Variants in CNTN1 observed in about 807,000 individuals in gnomAD.
The protein encoded by CNTN1 is contactin 1.
Under a neutral mutation model 126.4 loss-of-function variants are expected in CNTN1, and 38 were observed. The ratio of observed to expected loss-of-function variants is 0.30; its 90% CI spans 0.23 to 0.39. CNTN1 has a LOEUF of 0.39. Among genes scored for constraint, CNTN1 ranks in the 10% least tolerant of loss-of-function variants. The pLI, the probability that CNTN1 is intolerant of heterozygous loss-of-function variation, is 1.00. For missense variants in CNTN1, 1,009 were observed against 1,248.4 expected (o/e 0.81, Z 2.89); for synonymous variants, 413 against 422.6 (o/e 0.98, Z 0.28).
intron 1 of CNTN1, among the ~76,000 whole-genome samples, chr12:40,759,622 T>C (rs1301902995): frequency 2.0e-5 from 3 of 151,764 alleles, no homozygotes; most frequent in Non-Finnish European, 4.4e-5. Context: ...CCCACCATCA[T>C]ACCTGGCTAA....
At chr12:40,795,839 T>C (rs765611630) in intron 1 of CNTN1, among the ~76,000 whole-genome samples, 1 of 152,118 alleles carries the variant, frequency 6.6e-6, no homozygotes, top group Non-Finnish European at 1.5e-5. Flanking sequence ...ATCACTTGTG[T>C]GTGGTAGGCA....
chr12:40,748,444 T>G (rs1008925360), intron 1 of CNTN1, among the ~76,000 whole-genome samples: 24 of 152,092 alleles, frequency 1.6e-4, no homozygotes, highest in Non-Finnish European at 4.4e-5. Flanking sequence ...CCTGGTAAAT[T>G]ATATAACACA....
At chr12:40,843,984 G>T (rs1330894411) in intron 1 of CNTN1, among the ~76,000 whole-genome samples, 10 of 151,522 alleles carry the variant, frequency 6.6e-5, no homozygotes, top group Non-Finnish European at 1.3e-4. Context: ...ATTTGGATGA[G>T]ACTTTTGCAG....
chr12:40,815,292 A>C (rs1941222114), intron 1 of CNTN1, among the ~76,000 whole-genome samples: 1 of 152,000 alleles, frequency 6.6e-6, no homozygotes, highest in African/African-American at 2.4e-5. Context: ...AGGATGGAAT[A>C]TTTTTCCATT....
chr12:40,807,877 A>G (rs1212333211), intron 1 of CNTN1, among the ~76,000 whole-genome samples: 1 of 152,134 alleles, frequency 6.6e-6, no homozygotes, highest in Non-Finnish European at 1.5e-5. Context: ...TTTTAATATT[A>G]TTGTCATCCA....
intron 23 of CNTN1, among the ~76,000 whole-genome samples, chr12:41,033,338 G>A (rs1173153192): frequency 1.3e-5 from 2 of 151,942 alleles, no homozygotes; most frequent in African/African-American, 2.4e-5. Context: ...TATACATATA[G>A]CTATAATTTT....
chr12:40,696,609 C>G (rs1473249404), intron 1 of CNTN1, among the ~76,000 whole-genome samples: 1 of 152,168 alleles, frequency 6.6e-6, no homozygotes, highest in South Asian at 2.1e-4. Flanking sequence ...GAGCAGGAGA[C>G]TCAGGTTCAA....
chr12:40,969,140 C>A (rs577150232), intron 15 of CNTN1, among the ~76,000 whole-genome samples: 1 of 152,182 alleles, frequency 6.6e-6, no homozygotes, highest in Non-Finnish European at 1.5e-5. Flanking sequence ...AGTTTTATTA[C>A]CTATGATTTT....
intron 1 of CNTN1, among the ~76,000 whole-genome samples, chr12:40,853,664 CT>C (rs909860679): frequency 1.3e-5 from 2 of 151,544 alleles, no homozygotes; most frequent in African/African-American, 2.4e-5. Flanking sequence ...ATATACAATC[CT>C]TTTTTTTCCC....
intron 23 of CNTN1, among the ~76,000 whole-genome samples, chr12:41,052,182 A>G (rs931804682): frequency 6.6e-6 from 1 of 152,082 alleles, no homozygotes; most frequent in African/African-American, 2.4e-5. Flanking sequence ...GCCCAACTAG[A>G]CTGTTCCATA....
At chr12:40,822,486 T>A (rs1309573392) in intron 1 of CNTN1, among the ~76,000 whole-genome samples, 1 of 152,142 alleles carries the variant, frequency 6.6e-6, no homozygotes, top group Non-Finnish European at 1.5e-5. Context: ...TTGTGATGTA[T>A]GAGTTCTTCT....
At chr12:40,947,661 C>T (rs1946477955) in intron 14 of CNTN1, among the ~76,000 whole-genome samples, 1 of 151,402 alleles carries the variant, frequency 6.6e-6, no homozygotes, top group Non-Finnish European at 1.5e-5. Flanking sequence ...CACTTTGGGT[C>T]ATTTTCTTTC....
intron 1 of CNTN1, among the ~76,000 whole-genome samples, chr12:40,854,689 T>C (rs1942835152): frequency 6.6e-6 from 1 of 152,306 alleles, no homozygotes; most frequent in East Asian, 1.9e-4. Flanking sequence ...TTATGTGCTA[T>C]GACAACATAA....
intron 23 of CNTN1, among the ~76,000 whole-genome samples, chr12:41,035,728 G>C (rs1949244415): frequency 6.6e-6 from 1 of 152,148 alleles, no homozygotes; most frequent in Admixed American, 6.6e-5. Flanking sequence ...CTAGCCATAT[G>C]ACAAAAGTGT....
chr12:40,800,676 C>T (rs1174443398), intron 1 of CNTN1, among the ~76,000 whole-genome samples: 6 of 151,934 alleles, frequency 3.9e-5, no homozygotes, highest in Non-Finnish European at 8.8e-5. Context: ...AGGCATAAAG[C>T]GTTTTCAATA....
chr12:40,806,005 C>T (rs754947894), intron 1 of CNTN1, among the ~76,000 whole-genome samples: 1 of 152,074 alleles, frequency 6.6e-6, no homozygotes, highest in Admixed American at 6.6e-5. Flanking sequence ...CCCAGCTCTC[C>T]GCTGACTCTA....
rs368372193 is a variant in CNTN1 at position 40,930,042 on chromosome 12, A to T, written c.703+40A>T. ...TGTTACACTCTGTTTTCGCAAGGTT[A>T]TCTACATATGGTATACTTACCGTAA... On this transcript the variant is annotated intron_variant, in intron 7 of 23. Transcript: ENST00000551295. 1.2e-4 allele frequency: 174 copies of T among 1,399,834 alleles called. No individual in the cohort carries two copies. In the African/African-American group the frequency reaches 1.6e-3, roughly 13 times the overall value. The allele number at this position is 1,399,834 out of a possible 1,614,324, so 86.7% of individuals were successfully genotyped here.
At chr12:40,841,213 C>T (rs1942266537) in intron 1 of CNTN1, among the ~76,000 whole-genome samples, 1 of 152,002 alleles carries the variant, frequency 6.6e-6, no homozygotes, top group African/African-American at 2.4e-5. Context: ...TAGAAACATA[C>T]AACCTACCAA....
intron 1 of CNTN1, among the ~76,000 whole-genome samples, chr12:40,886,843 G>C (rs1944051628): frequency 6.6e-6 from 1 of 152,184 alleles, no homozygotes; most frequent in Non-Finnish European, 1.5e-5. Context: ...CCCATTGCTT[G>C]TTTTTCTCAG....
Sources: gnomAD v4.1 joint callset for allele counts (sites outside exome capture counted in the v4.1 genomes callset) on GRCh38, gnomAD v4.1.1 for gene constraint, MANE v1.5 for transcripts, NCBI Gene and HGNC (gene_info 2026-07-23, HGNC 2026-07-21) for gene names.